Variants in ARSK observed in about 807,000 individuals in gnomAD.
ARSK encodes the protein arylsulfatase K.
ARSK carries 37 observed loss-of-function variants against 53.2 expected under a neutral mutation model. The ratio of observed to expected loss-of-function variants is 0.70; its 90% CI spans 0.54 to 0.92. The LOEUF is 0.92. ARSK is among the 40% of genes least tolerant of loss of function. The pLI, the probability that ARSK is intolerant of heterozygous loss-of-function variation, is 0.00. For missense variants in ARSK, 613 were observed against 643.0 expected, an observed-to-expected ratio of 0.95 and a Z score of 0.51; for synonymous variants, 208 against 223.2, an observed-to-expected ratio of 0.93 and a Z score of 0.61.
chr5:95,568,033 G>A lies in ARSK; in HGVS notation c.400G>A (p.Gly134Arg), dbSNP rs1194088657. 4 of 1,613,310 alleles carry A rather than the reference G, an allele frequency of 2.5e-6. No homozygotes were observed. Among genetic ancestry groups the A allele is most frequent in the Non-Finnish European group, 3.4e-6 (4 of 1,179,698 alleles). Residue 134 changes from glycine (G) to arginine (R), a missense_variant, in exon 3 of 8, where the codon GGA (glycine) becomes AGA (arginine). By Grantham distance (125) the Gly-to-Arg change is moderately radical. Transcript: ENST00000380009. The part of the protein sequence containing the change: ...QKFGKLDYTS[G>R]HHSISNRVEA... ...ATTTGGGAAACTGGACTATACTTCA[G>A]GACATCACTCCATTAGGTAAAAATA...
chr5:95,599,903 A>G lies in ARSK; in HGVS notation c.1097-944A>G, dbSNP rs777574946. On this transcript the variant is annotated intron_variant, in intron 6 of 7. Transcript: ENST00000380009. ...TTTCTAACATTACAGATATAATTCTATTTTTCATTGGAAATATTTATACAT... is the reference window on the plus strand; with the variant it reads ...TTTCTAACATTACAGATATAATTCTGTTTTTCATTGGAAATATTTATACAT... Among the ~76,000 whole-genome samples the G allele has an allele frequency of 3.2e-4, 49 of 152,154 alleles. 1 individual carries two copies. Among genetic ancestry groups the G allele is most frequent in the Non-Finnish European group, 5.6e-4 (38 of 68,022 alleles).
intron 6 of ARSK, among the ~76,000 whole-genome samples, chr5:95,593,656 A>G (rs1254637554): frequency 6.6e-6 from 1 of 152,158 alleles, no homozygotes; most frequent in African/African-American, 2.4e-5. Flanking sequence ...ATTTGTTAGA[A>G]TGGGGAAATT....
intron 3 of ARSK, among the ~76,000 whole-genome samples, chr5:95,571,440 A>C (rs1056091689): frequency 6.6e-6 from 1 of 152,258 alleles, no homozygotes; most frequent in Non-Finnish European, 1.5e-5. Flanking sequence ...AAGTACCTAC[A>C]GTTTATTATT....
At chr5:95,567,750 T>C in intron 2 of ARSK, 140 bp from the exon 3 acceptor site, 1 of 696,324 alleles carries the variant, frequency 1.4e-6, no homozygotes, top group Non-Finnish European at 2.3e-6. Context: ...CAGAAATGTT[T>C]GGTAAGGCAC....
intron 4 of ARSK, among the ~76,000 whole-genome samples, chr5:95,584,730 G>A (rs1176571065): frequency 6.6e-6 from 1 of 152,122 alleles, no homozygotes; most frequent in Non-Finnish European, 1.5e-5. Flanking sequence ...AGTGGGCTAA[G>A]GACATGAATA....
In ARSK at chr5:95,603,667, T is replaced by C. The variant is rs1425418956; in HGVS notation, c.*141T>C. 1.0e-5 allele frequency: 7 copies of C among 703,322 alleles called. No individual in the cohort carries two copies. The highest frequency in any genetic ancestry group is 1.5e-5 in the Non-Finnish European group (7 of 471,794). The allele number at this position is 703,322 out of a possible 1,614,324, so 43.6% of individuals were successfully genotyped here. A position where few individuals can be genotyped will look rare whatever the true frequency, so the allele number is the denominator to read the frequency against. On this transcript the variant is annotated 3_prime_UTR_variant, in exon 8 of 8. Transcript: ENST00000380009. Reference sequence around the variant, plus strand: ...GCTCACACCTGTAATCCCAGGACTTTGGGAGGCTGAGGAAAGCAGATCACA... The same window carrying C: ...GCTCACACCTGTAATCCCAGGACTTCGGGAGGCTGAGGAAAGCAGATCACA...
At chr5:95,582,007 G>C (rs1749027834) in intron 3 of ARSK, among the ~76,000 whole-genome samples, 1 of 151,962 alleles carries the variant, frequency 6.6e-6, no homozygotes, top group East Asian at 1.9e-4. Flanking sequence ...ATATATGGGT[G>C]GTTAGTCATT....
In ARSK at chr5:95,604,444, A is replaced by G. The variant is rs981146222; in HGVS notation, c.*918A>G. The G allele has an allele frequency of 6.6e-6, 1 of 152,142 alleles. No homozygotes were observed. Among genetic ancestry groups the G allele is most frequent in the Non-Finnish European group, 1.5e-5 (1 of 68,028 alleles). 9.4% of individuals were successfully genotyped at this position (152,142 alleles called of 1,614,324 possible). On this transcript the variant is annotated 3_prime_UTR_variant, in exon 8 of 8. Coordinates refer to ENST00000380009, the MANE Select transcript of ARSK (RefSeq NM_198150.3). Reference sequence around the variant, plus strand: ...ACCACCTGCTTACGCATTTTTAGAGATTGGCCACAAATTTATAAACAAATG... The same window carrying G: ...ACCACCTGCTTACGCATTTTTAGAGGTTGGCCACAAATTTATAAACAAATG...
Position 95,567,871 on chromosome 5 carries a change from CTTTTT to C in ARSK, c.257-10_257-6del. On this transcript the variant is annotated splice_polypyrimidine_tract_variant and intron_variant, in intron 2 of 7. Coordinates refer to ENST00000380009, the MANE Select transcript of ARSK (RefSeq NM_198150.3). Reference sequence around the variant, plus strand: ...TTAAGCTTTACCTTAATCCCAATTCCTTTTTTTTTTTTTCTCAGCAATGTGGAGTG... The same window carrying C: ...TTAAGCTTTACCTTAATCCCAATTCCTTTTTTTTCTCAGCAATGTGGAGTG... 1 of 1,268,536 alleles carries C rather than the reference CTTTTT, an allele frequency of 7.9e-7. No individual in the cohort carries two copies. The allele number at this position is 1,268,536 out of a possible 1,614,324, so 78.6% of individuals were successfully genotyped here. A position where few individuals can be genotyped will look rare whatever the true frequency, so the allele number is the denominator to read the frequency against.
At chr5:95,565,732 T>A (rs1273028078) in intron 1 of ARSK, among the ~76,000 whole-genome samples, 1 of 152,166 alleles carries the variant, frequency 6.6e-6, no homozygotes, top group Admixed American at 6.5e-5. Flanking sequence ...CAATAAATAC[T>A]TAGTCAGTTC....
At chr5:95,564,457 C>T (rs1248766760) in intron 1 of ARSK, among the ~76,000 whole-genome samples, 2 of 152,212 alleles carry the variant, frequency 1.3e-5, no homozygotes, top group Admixed American at 6.5e-5. Flanking sequence ...CCAGCTAACA[C>T]ACCATTCTCT....
In ARSK at chr5:95,582,988, T is replaced by C; in HGVS notation, c.489T>C (p.Leu163=). 6.2e-7 allele frequency: 1 copy of C among 1,613,834 alleles called. No individual in the cohort carries two copies. Among genetic ancestry groups the C allele is most frequent in the Non-Finnish European group, 8.5e-7 (1 of 1,179,788 alleles). ...LRQEGRPMVN[L]IRNRTKVRVM... ...AAGAAGGCAGGCCCATGGTTAATCT[T>C]ATCCGTAACAGGACTAAAGTCAGAG... is the stretch of plus-strand genomic sequence containing the variant. Residue 163 remains leucine (L), a synonymous_variant, in exon 4 of 8, where the codon CTT becomes CTC. Coordinates refer to ENST00000380009, the MANE Select transcript of ARSK (RefSeq NM_198150.3).
Position 95,583,140 on chromosome 5 carries a change from C to A in ARSK, c.641C>A (p.Ser214Tyr), listed in dbSNP as rs1487351231. 6.2e-7 allele frequency: 1 copy of A among 1,601,930 alleles called. No homozygotes were observed. ...LNLPHPYPSP[S>Y]SGENFGSSTF... Reference sequence around the variant, plus strand: ...TTACCACACCCTTACCCTTCACCATCTTCTGGAGAAAATTTTGGATCTTCA... The same window carrying A: ...TTACCACACCCTTACCCTTCACCATATTCTGGAGAAAATTTTGGATCTTCA... The change falls in exon 4 of 8, where the codon TCT (serine) becomes TAT (tyrosine). Residue 214 changes from serine to tyrosine, a missense_variant. Ser to Tyr is a moderately radical substitution (Grantham distance 144). Transcript: ENST00000380009.
chr5:95,577,092 G>A (rs955130653), intron 3 of ARSK, among the ~76,000 whole-genome samples: 2 of 152,204 alleles, frequency 1.3e-5, no homozygotes, highest in African/African-American at 4.8e-5. Context: ...CTGTGGATAT[G>A]GTGATGTGTC....
intron 1 of ARSK, among the ~76,000 whole-genome samples, chr5:95,565,112 A>G (rs1255524217): frequency 6.6e-6 from 1 of 152,212 alleles, no homozygotes; most frequent in Non-Finnish European, 1.5e-5. Flanking sequence ...CATATAATAG[A>G]TAGAACTCCA....
chr5:95,569,593 G>A (rs1406983291), intron 3 of ARSK, among the ~76,000 whole-genome samples: 2 of 152,202 alleles, frequency 1.3e-5, no homozygotes, highest in African/African-American at 4.8e-5. Flanking sequence ...GTCACCATAA[G>A]TTAGGAAGAG....
chr5:95,561,672 A>C (rs1378710785), intron 1 of ARSK, among the ~76,000 whole-genome samples: 1 of 152,258 alleles, frequency 6.6e-6, no homozygotes, highest in Non-Finnish European at 1.5e-5. Flanking sequence ...GATTCCATTC[A>C]TATGAAATGT....
chr5:95,559,976 A>T (rs2112409581), intron 1 of ARSK, among the ~76,000 whole-genome samples: 1 of 152,330 alleles, frequency 6.6e-6, no homozygotes, highest in Admixed American at 6.5e-5. Flanking sequence ...GAACTAATAA[A>T]TTAGTAAGGC....
intron 3 of ARSK, among the ~76,000 whole-genome samples, chr5:95,568,950 C>T (rs1292414464): frequency 6.6e-6 from 1 of 152,186 alleles, no homozygotes; most frequent in Non-Finnish European, 1.5e-5. Flanking sequence ...TCACATGTGT[C>T]GTCGCAATTT....
Sources: gnomAD v4.1 joint callset for allele counts (sites outside exome capture counted in the v4.1 genomes callset) on GRCh38, gnomAD v4.1.1 for gene constraint, MANE v1.5 for transcripts, NCBI Gene and HGNC (gene_info 2026-07-23, HGNC 2026-07-21) for gene names.